LIAT1: variants seen among roughly 807,000 people sequenced by gnomAD.
LIAT1 encodes the protein ligand of ATE1.
chr17:411,180 C>T, the LIAT1 span, among the ~76,000 whole-genome samples: 8 of 152,308 alleles, frequency 5.3e-5, no homozygotes, highest in South Asian at 1.7e-3. Flanking sequence ...GCTGCATGGG[C>T]TCCCCCTCGC....
chr17:411,854 G>C, the LIAT1 span, among the ~76,000 whole-genome samples: 3 of 152,218 alleles, frequency 2.0e-5, no homozygotes, highest in Non-Finnish European at 4.4e-5. Context: ...ACTGTCGCCC[G>C]TGTGGTCCAC....
the LIAT1 span, chr17:414,126 A>G: frequency 1.9e-6 from 3 of 1,606,582 alleles, no homozygotes; most frequent in South Asian, 1.1e-5. The surrounding 1 kb of genome is among the most constrained non-coding windows in gnomAD (Gnocchi z 4.1). Flanking sequence ...AAATCTACCC[A>G]CGACGCTCAC....
the LIAT1 span, among the ~76,000 whole-genome samples, chr17:412,883 C>T: frequency 6.6e-6 from 1 of 152,230 alleles, no homozygotes; most frequent in Non-Finnish European, 1.5e-5. Context: ...GCTTCGGTTT[C>T]CTCACCCGAA....
At chr17:412,360 T>C in the LIAT1 span, among the ~76,000 whole-genome samples, 4 of 152,106 alleles carry the variant, frequency 2.6e-5, no homozygotes, top group Admixed American at 6.6e-5. Context: ...TCATTGTCCT[T>C]TTGGCGTAGC....
the LIAT1 span, chr17:413,128 C>T: frequency 6.2e-7 from 1 of 1,610,680 alleles, no homozygotes; most frequent in Non-Finnish European, 8.5e-7. Context: ...CAAACACTAA[C>T]CTGCTCATCT....
chr17:413,396 A>G, the LIAT1 span: 6 of 1,614,268 alleles, frequency 3.7e-6, no homozygotes, highest in Admixed American at 8.3e-5. Context: ...AGAGAAGGAA[A>G]GGATTCGCAT....
At chr17:410,454 G>C in the LIAT1 span, 5 of 1,540,198 alleles carry the variant, frequency 3.2e-6, no homozygotes, top group Admixed American at 2.0e-5. Flanking sequence ...CGGGCGGCTG[G>C]ACCGCCGCGG....
the LIAT1 span, chr17:410,431 G>T: frequency 6.5e-7 from 1 of 1,539,244 alleles, no homozygotes; most frequent in Non-Finnish European, 8.7e-7. Flanking sequence ...GGGCGGGTTG[G>T]GTTGCAGCCC....
the LIAT1 span, among the ~76,000 whole-genome samples, chr17:411,698 C>T: frequency 3.9e-5 from 6 of 152,202 alleles, no homozygotes; most frequent in Non-Finnish European, 8.8e-5. Flanking sequence ...ACATACCCTA[C>T]CTGCCATAAA....
At chr17:410,554 C>T in the LIAT1 span, 133 of 1,546,830 alleles carry the variant, frequency 8.6e-5, 2 homozygotes, top group East Asian at 3.2e-3. Context: ...TCTAGACTGC[C>T]CCCCATCACA....
At chr17:411,303 C>T in the LIAT1 span, among the ~76,000 whole-genome samples, 5 of 152,246 alleles carry the variant, frequency 3.3e-5, no homozygotes, top group African/African-American at 1.2e-4. Flanking sequence ...CAGTGTAACA[C>T]CCACAGTGAA....
the LIAT1 span, chr17:413,239 A>G: frequency 4.8e-5 from 77 of 1,614,124 alleles, no homozygotes; most frequent in Middle Eastern, 1.6e-4. Context: ...GCCCGAAACC[A>G]GAGCACAGAC....
chr17:412,924 C>T, the LIAT1 span, among the ~76,000 whole-genome samples: 3 of 152,236 alleles, frequency 2.0e-5, no homozygotes, highest in African/African-American at 4.8e-5. Flanking sequence ...ACCCAGACGG[C>T]CTGGCTCAGA....
chr17:410,360 T>A, the LIAT1 span: 3 of 1,502,082 alleles, frequency 2.0e-6, no homozygotes, highest in East Asian at 7.4e-5. Context: ...CGCGTGGCCC[T>A]GGCCTGGCGG....
chr17:413,138 T>C, the LIAT1 span: 4 of 1,612,960 alleles, frequency 2.5e-6, no homozygotes, highest in Non-Finnish European at 3.4e-6. Flanking sequence ...CCTGCTCATC[T>C]ACTCAGCAGA....
At chr17:414,278 C>A in the LIAT1 span, 1 of 798,908 alleles carries the variant, frequency 1.3e-6, no homozygotes, top group Non-Finnish European at 2.0e-6. This position sits in a 1 kb window ranked among gnomAD's most constrained non-coding sequence, Gnocchi z 4.1. Context: ...CCTCGGTTGC[C>A]CAGGAGAGCC....
chr17:413,319 T>G, the LIAT1 span: 76 of 1,614,094 alleles, frequency 4.7e-5, no homozygotes, highest in Non-Finnish European at 6.3e-5. Flanking sequence ...TTTGCCGAAA[T>G]AGAGAACCTT....
chr17:410,414 G>A, the LIAT1 span: 1 of 1,530,194 alleles, frequency 6.5e-7, no homozygotes, highest in Non-Finnish European at 8.7e-7. Context: ...GGCCTCGGGC[G>A]CCCCCGGGGC....
chr17:410,685 T>G, the LIAT1 span: 2 of 1,521,912 alleles, frequency 1.3e-6, no homozygotes, highest in Admixed American at 3.9e-5. Flanking sequence ...CAGCTCCGGT[T>G]CCCTGGAGAC....
Sources: allele counts gnomAD v4.1 joint callset (sites outside exome capture counted in the v4.1 genomes callset), GRCh38; gene constraint gnomAD v4.1.1; non-coding constraint Gnocchi (gnomAD v3.1); transcripts MANE v1.5; gene names NCBI Gene and HGNC (gene_info 2026-07-23, HGNC 2026-07-21).